Variants in GLB1 observed in about 807,000 individuals in gnomAD.
GLB1 encodes beta-galactosidase.
Under a neutral mutation model 74.0 loss-of-function variants are expected in GLB1, and 56 were observed. The observed-to-expected ratio is 0.76, with a 90% CI of 0.61 to 0.94. The LOEUF (loss-of-function observed/expected upper bound fraction) is 0.94, where lower values mean the gene tolerates loss of function less well. GLB1 is among the 40% of genes least tolerant of loss of function. The pLI is 0.00. For missense variants in GLB1, 787 were observed against 845.5 expected (o/e 0.93, Z 0.86); for synonymous variants, 323 against 323.6 (o/e 1.00, Z 0.02).
At chr3:32,969,760 T>C in the GLB1 span, among the ~76,000 whole-genome samples, 2 of 152,160 alleles carry the variant, frequency 1.3e-5, no homozygotes, top group African/African-American at 4.8e-5. Flanking sequence ...GGAACTCACA[T>C]GGAAAAAACA....
intron 15 of GLB1, among the ~76,000 whole-genome samples, chr3:33,009,147 AAATAAAT>A (rs1696912800): frequency 6.6e-6 from 1 of 150,996 alleles, no homozygotes; most frequent in Non-Finnish European, 1.5e-5. Context: ...ATAAATAAAT[AAATAAAT>A]AAAAAAGATT....
the GLB1 span, among the ~76,000 whole-genome samples, chr3:32,982,363 T>C: frequency 2.8e-4 from 43 of 151,866 alleles, no homozygotes; most frequent in African/African-American, 9.9e-4. Flanking sequence ...TTATACTACC[T>C]GTTGCAGGTT....
intron 1 of GLB1, among the ~76,000 whole-genome samples, chr3:33,081,993 C>T (rs930832843): frequency 6.6e-6 from 1 of 152,156 alleles, no homozygotes; most frequent in Non-Finnish European, 1.5e-5. Flanking sequence ...TGGATGGATC[C>T]CCTTGAGGAA....
At chr3:33,077,435 A>C (rs1466042902) in intron 1 of GLB1, 3 of 885,066 alleles carry the variant, frequency 3.4e-6, no homozygotes, top group Non-Finnish European at 5.3e-6. Flanking sequence ...TCAGTTGGAA[A>C]TGGAGGATGA....
At chr3:33,096,806 G>A in intron 1 of GLB1, 2 of 1,360,698 alleles carry the variant, frequency 1.5e-6, no homozygotes, top group African/African-American at 3.1e-5. Flanking sequence ...CGAGCTGCCT[G>A]GAAGGACGCG....
At chr3:33,049,997 T>G (rs1218695990) in intron 9 of GLB1, among the ~76,000 whole-genome samples, 1 of 152,164 alleles carries the variant, frequency 6.6e-6, no homozygotes, top group African/African-American at 2.4e-5. Context: ...CCTGAGAGAT[T>G]TAGGCCCAAA....
At position 33,058,143 on chromosome 3, in the gene GLB1, A is replaced by T. The variant is rs1699294106; in HGVS notation, c.679T>A (p.Phe227Ile). The T allele has an allele frequency of 6.2e-7, 1 of 1,613,980 alleles. No homozygotes were observed. Among genetic ancestry groups the T allele is most frequent in the African/African-American group, 1.3e-5 (1 of 74,912 alleles). ...CCCTGCAGGGCCCCACATTTCAGGA[A>T]TGTTTTATGTGCTCCATCAGTGGTA... ...LFTTDGAHKT[F>I]LKCGALQGLY... The change falls in exon 6 of 16, where the codon TTC becomes ATC. Residue 227 changes from phenylalanine to isoleucine, a missense_variant. Transcript: ENST00000307363.
At chr3:33,071,004 T>C (rs1699868091) in intron 2 of GLB1, among the ~76,000 whole-genome samples, 1 of 152,198 alleles carries the variant, frequency 6.6e-6, no homozygotes, top group Non-Finnish European at 1.5e-5. Context: ...CTAGATCCTC[T>C]GACAAAAGAT....
At position 33,017,415 on chromosome 3, in the gene GLB1, A is replaced by G. The variant is rs533746343; in HGVS notation, c.1348-575T>C. On this transcript the variant is annotated intron_variant, in intron 13 of 15. Coordinates refer to ENST00000307363, the MANE Select transcript of GLB1 (RefSeq NM_000404.4). Reference sequence around the variant, plus strand: ...TTTAAAAATTGACCTTACAATGATCATAATTCACTAAGACAACACCCAAGT... The same window carrying G: ...TTTAAAAATTGACCTTACAATGATCGTAATTCACTAAGACAACACCCAAGT... Among the ~76,000 whole-genome samples the G allele has an allele frequency of 2.0e-5, 3 of 152,372 alleles. No individual in the cohort carries two copies. In the East Asian group the frequency reaches 5.8e-4, roughly 29 times the overall value.
At chr3:33,091,986 C>T in intron 1 of GLB1, 1 of 984,008 alleles carries the variant, frequency 1.0e-6, no homozygotes, top group South Asian at 4.7e-5. Flanking sequence ...GTCATACTGC[C>T]TGTGCCCTAT....
intron 14 of GLB1, among the ~76,000 whole-genome samples, chr3:33,015,023 G>A (rs1697183799): frequency 6.6e-6 from 1 of 152,104 alleles, no homozygotes; most frequent in Non-Finnish European, 1.5e-5. Flanking sequence ...TAGTGTGGGG[G>A]CATGCACGTA....
Position 32,996,985 on chromosome 3 carries a change from C to T in GLB1, c.*60G>A. On this transcript the variant is annotated 3_prime_UTR_variant, in exon 16 of 16. Transcript: ENST00000307363. ...TTCCAATCAGTGAAATGTGGCATGA[C>T]AGGGAGGATCTGTGAGGTATGTTCA... 1 of 1,613,236 alleles carries T rather than the reference C, an allele frequency of 6.2e-7. No homozygotes were observed. Among genetic ancestry groups the T allele is most frequent in the Non-Finnish European group, 8.5e-7 (1 of 1,179,692 alleles).
intron 9 of GLB1, among the ~76,000 whole-genome samples, chr3:33,047,010 C>G (rs1227474303): frequency 6.6e-6 from 1 of 152,164 alleles, no homozygotes; most frequent in African/African-American, 2.4e-5. Flanking sequence ...CAATGTGCCT[C>G]GAACAGCCAA....
chr3:32,985,663 G>A, the GLB1 span, among the ~76,000 whole-genome samples: 20 of 151,594 alleles, frequency 1.3e-4, 1 homozygote, highest in East Asian at 2.6e-3. Context: ...GTATTGATGC[G>A]TCTTCTTGAT....
intron 14 of GLB1, among the ~76,000 whole-genome samples, chr3:33,014,875 G>C (rs1167017654): frequency 3.3e-5 from 5 of 152,216 alleles, no homozygotes; most frequent in Admixed American, 6.5e-5. Flanking sequence ...GCTGAGGCAT[G>C]AGAATCGCTT....
intron 1 of GLB1, 173 bp downstream of exon 1, chr3:33,096,838 G>T: frequency 5.1e-6 from 7 of 1,361,302 alleles, no homozygotes; most frequent in South Asian, 1.7e-5. Context: ...GCCCGCCCCC[G>T]ACGGGAAGGC....
intron 15 of GLB1, among the ~76,000 whole-genome samples, chr3:33,006,090 C>A (rs1246167971): frequency 3.9e-5 from 6 of 152,172 alleles, no homozygotes; most frequent in Non-Finnish European, 8.8e-5. Flanking sequence ...CTTATCCACA[C>A]CCAGCTGAAA....
chr3:33,077,072 T>A (rs1248563038), intron 1 of GLB1: 16 of 1,327,600 alleles, frequency 1.2e-5, no homozygotes, highest in Admixed American at 9.6e-5. Context: ...AAAAAAAAAA[T>A]TAAAATTAGT....
intron 10 of GLB1, among the ~76,000 whole-genome samples, chr3:33,043,188 A>C (rs1351648206): frequency 6.6e-6 from 1 of 152,222 alleles, no homozygotes; most frequent in Non-Finnish European, 1.5e-5. Context: ...AGCCAGACAC[A>C]GGAGTGTATA....
Sources: allele counts gnomAD v4.1 joint callset (sites outside exome capture counted in the v4.1 genomes callset), GRCh38; gene constraint gnomAD v4.1.1; transcripts MANE v1.5; gene names NCBI Gene and HGNC (gene_info 2026-07-23, HGNC 2026-07-21).